Variants in GRM7 observed in about 807,000 individuals in gnomAD.
The protein encoded by GRM7 is metabotropic glutamate receptor 7.
GRM7 carries 35 observed loss-of-function variants against 84.5 expected under a neutral mutation model. The ratio of observed to expected loss-of-function variants is 0.41; its 90% CI spans 0.32 to 0.55. The LOEUF (loss-of-function observed/expected upper bound fraction) is 0.55. GRM7 is among the 20% of genes least tolerant of loss of function. The pLI is 0.19. For missense variants in GRM7, 1,003 were observed against 1,194.6 expected, an observed-to-expected ratio of 0.84 and a Z score of 2.36; for synonymous variants, 487 against 455.1, an observed-to-expected ratio of 1.07 and a Z score of -0.89.
intron 1 of GRM7, among the ~76,000 whole-genome samples, chr3:7,007,384 C>G (rs1330438290): frequency 1.3e-5 from 2 of 152,138 alleles, no homozygotes; most frequent in African/African-American, 2.4e-5. Context: ...TCAAGATCTT[C>G]CCTATAACTC....
chr3:6,985,610 C>T (rs1393277181), intron 1 of GRM7, among the ~76,000 whole-genome samples: 1 of 152,154 alleles, frequency 6.6e-6, no homozygotes, highest in South Asian at 2.1e-4. Flanking sequence ...GGCAAAATAG[C>T]CCAACGTCAC....
intron 2 of GRM7, among the ~76,000 whole-genome samples, chr3:7,273,395 A>G (rs1698939771): frequency 6.6e-6 from 1 of 152,084 alleles, no homozygotes; most frequent in South Asian, 2.1e-4. Context: ...TGTTGAGTTC[A>G]ACTATGTCCT....
At chr3:7,446,285 A>T (rs1197603432) in intron 5 of GRM7, among the ~76,000 whole-genome samples, 1 of 152,160 alleles carries the variant, frequency 6.6e-6, no homozygotes. Flanking sequence ...CCTTAAAACC[A>T]CATGAGAAGC....
chr3:7,563,152 T>C (rs1452933025), intron 7 of GRM7, among the ~76,000 whole-genome samples: 1 of 152,154 alleles, frequency 6.6e-6, no homozygotes, highest in Non-Finnish European at 1.5e-5. Context: ...AAATCTAAGA[T>C]GAATGGCTGA....
chr3:7,062,302 AG>A (rs1011276941), intron 1 of GRM7, among the ~76,000 whole-genome samples: 1 of 151,668 alleles, frequency 6.6e-6, no homozygotes, highest in African/African-American at 2.4e-5. Context: ...ATCTGTTCAA[AG>A]AACATGAAGG....
At chr3:7,597,101 A>G (rs1696084768) in intron 8 of GRM7, among the ~76,000 whole-genome samples, 1 of 152,096 alleles carries the variant, frequency 6.6e-6, no homozygotes, top group African/African-American at 2.4e-5. Context: ...TAATTGGCTC[A>G]TGGTTCTGTA....
intron 7 of GRM7, among the ~76,000 whole-genome samples, chr3:7,532,614 A>G (rs1191167017): frequency 2.0e-5 from 3 of 151,706 alleles, no homozygotes; most frequent in African/African-American, 4.8e-5. Context: ...TTGTGTCTCT[A>G]TCTCCTTCAG....
chr3:6,994,765 AC>A (rs1694774520), intron 1 of GRM7, among the ~76,000 whole-genome samples: 1 of 152,192 alleles, frequency 6.6e-6, no homozygotes, highest in Non-Finnish European at 1.5e-5. Context: ...TAATTGTACC[AC>A]CTGACCATAT....
At chr3:7,343,790 A>T (rs1430713892) in intron 4 of GRM7, among the ~76,000 whole-genome samples, 1 of 152,146 alleles carries the variant, frequency 6.6e-6, no homozygotes, top group Non-Finnish European at 1.5e-5. Flanking sequence ...GATGATTGAG[A>T]TCTGTCATCT....
chr3:7,138,123 T>G (rs573875800), intron 1 of GRM7, among the ~76,000 whole-genome samples: 3 of 152,190 alleles, frequency 2.0e-5, no homozygotes, highest in African/African-American at 7.2e-5. Context: ...AAATATTTTT[T>G]GTTCTTAAAA....
intron 1 of GRM7, among the ~76,000 whole-genome samples, chr3:7,115,410 AT>A (rs1330914102): frequency 5.3e-5 from 8 of 152,076 alleles, no homozygotes; most frequent in Non-Finnish European, 7.4e-5. Context: ...GAGCGTGCTA[AT>A]TTCTTTCTCA....
intron 1 of GRM7, among the ~76,000 whole-genome samples, chr3:7,087,324 A>G (rs141437047): frequency 6.6e-6 from 1 of 152,184 alleles, no homozygotes; most frequent in African/African-American, 2.4e-5. Context: ...GATGCAACTA[A>G]TGATTATATC....
chr3:7,090,645 C>T (rs1204330668), intron 1 of GRM7, among the ~76,000 whole-genome samples: 7 of 152,076 alleles, frequency 4.6e-5, no homozygotes, highest in African/African-American at 1.7e-4. Flanking sequence ...GATAGTATTC[C>T]TGGCCAAAGA....
intron 2 of GRM7, among the ~76,000 whole-genome samples, chr3:7,207,187 G>A (rs752109169): frequency 9.9e-5 from 15 of 152,266 alleles, no homozygotes; most frequent in East Asian, 1.9e-4. Context: ...ACAGCCTTCC[G>A]CCATTAGAGA....
At chr3:6,978,717 AC>A (rs1166312296) in intron 1 of GRM7, among the ~76,000 whole-genome samples, 1 of 152,128 alleles carries the variant, frequency 6.6e-6, no homozygotes, top group Non-Finnish European at 1.5e-5. Context: ...TAGTGGCATA[AC>A]GGGAAAGGAA....
intron 7 of GRM7, among the ~76,000 whole-genome samples, chr3:7,475,788 G>T (rs1395973409): frequency 1.3e-5 from 2 of 152,192 alleles, no homozygotes; most frequent in African/African-American, 4.8e-5. Context: ...ATCCGGTATT[G>T]TGGGCATTTC....
chr3:7,680,027 C>A, intron 8 of GRM7, 22 bp from the exon 9 acceptor site: 2 of 1,612,188 alleles, frequency 1.2e-6, no homozygotes, highest in East Asian at 4.5e-5. Context: ...TGTAATAGTG[C>A]CTTGTGTGTT....
At chr3:7,394,075 A>G (rs1190451802) in intron 4 of GRM7, among the ~76,000 whole-genome samples, 1 of 152,166 alleles carries the variant, frequency 6.6e-6, no homozygotes, top group Non-Finnish European at 1.5e-5. Flanking sequence ...TCTTAGAGAT[A>G]AACCTCAGCT....
intron 7 of GRM7, among the ~76,000 whole-genome samples, chr3:7,504,154 T>C (rs1699969356): frequency 1.3e-5 from 2 of 152,164 alleles, no homozygotes; most frequent in Non-Finnish European, 2.9e-5. Context: ...AAAGATAATA[T>C]CATTTTTGGA....
Sources: gnomAD v4.1 joint callset for allele counts (sites outside exome capture counted in the v4.1 genomes callset) on GRCh38, gnomAD v4.1.1 for gene constraint, MANE v1.5 for transcripts, NCBI Gene and HGNC (gene_info 2026-07-23, HGNC 2026-07-21) for gene names.